The following NLGN1 variants were observed in gnomAD, a reference collection of about 807,000 sequenced individuals.
NLGN1 encodes the protein neuroligin 1, also known as neuroligin-1.
NLGN1 carries 12 observed loss-of-function variants against 65.5 expected under a neutral mutation model. That is an observed-to-expected ratio of 0.18 (90% CI 0.12 to 0.30). The LOEUF is 0.30. Ranked by LOEUF, NLGN1 falls within the 10% of genes least tolerant of loss-of-function variation. NLGN1 has a pLI of 1.00. For missense variants in NLGN1, 750 were observed against 1,007.1 expected, an observed-to-expected ratio of 0.74 and a Z score of 3.46; for synonymous variants, 350 against 359.5, an observed-to-expected ratio of 0.97 and a Z score of 0.30.
At chr3:173,501,057 A>T (rs1731026542) in intron 2 of NLGN1, among the ~76,000 whole-genome samples, 1 of 152,122 alleles carries the variant, frequency 6.6e-6, no homozygotes, top group African/African-American at 2.4e-5. Flanking sequence ...CAGGTTTTTA[A>T]AAATCTTTTT....
rs144626411 is a variant in NLGN1, at chr3:173,790,015, C to G, written c.494-17665C>G. 330 of 378,880 alleles carry G rather than the reference C, an allele frequency of 8.7e-4. 6 individuals are homozygous for G. In the East Asian group the frequency reaches 0.024, roughly 28 times the overall value. 23.5% of individuals were successfully genotyped at this position (378,880 alleles called of 1,614,324 possible). On this transcript the variant is annotated intron_variant, in intron 3 of 6. Coordinates refer to ENST00000457714, the Ensembl canonical transcript of NLGN1. ...TAACCATGCCTTTCTTTCCTCATAC[C>G]ATAGGAGGCACATCTTGCTCTCTAC...
chr3:173,654,863 G>T (rs111414448), intron 3 of NLGN1, among the ~76,000 whole-genome samples: 1 of 152,094 alleles, frequency 6.6e-6, no homozygotes, highest in African/African-American at 2.4e-5. Context: ...TTAATGGATG[G>T]ATGATGTATT....
At position 173,419,020 on chromosome 3, in the gene NLGN1, C is replaced by CTTTTTTTTTTTTTTTTTTTTTTTTT. The variant is rs59051811; in HGVS notation, c.-389-15980_-389-15956dup. Among the ~76,000 whole-genome samples the CTTTTTTTTTTTTTTTTTTTTTTTTT allele has an allele frequency of 5.7e-4, 7 of 12,262 alleles. 1 individual carries two copies. Among genetic ancestry groups the CTTTTTTTTTTTTTTTTTTTTTTTTT allele is most frequent in the Admixed American group, 2.9e-3 (2 of 686 alleles). 8.0% of individuals were successfully genotyped at this position (12,262 alleles called of 152,430 possible). On this transcript the variant is annotated intron_variant, in intron 1 of 6. Transcript: ENST00000457714. ...TCTGTTCTTTAGCTTTCTTCTTCTT[C>CTTTTTTTTTTTTTTTTTTTTTTTTT]TTTTTTTTTTTTTTTTTTTTTTTTT...
chr3:173,702,253 AAAG>A (rs1382592634), intron 3 of NLGN1, among the ~76,000 whole-genome samples: 321 of 151,980 alleles, frequency 2.1e-3, no homozygotes, highest in Non-Finnish European at 3.3e-3. Flanking sequence ...AAAAAAAAAA[AAAG>A]AAGAGTTTTC....
intron 2 of NLGN1, among the ~76,000 whole-genome samples, chr3:173,527,933 G>A (rs1472132434): frequency 6.6e-6 from 1 of 152,146 alleles, no homozygotes; most frequent in African/African-American, 2.4e-5. Flanking sequence ...TTTAAGTAGA[G>A]CATTTAGGTC....
intron 3 of NLGN1, among the ~76,000 whole-genome samples, chr3:173,616,887 T>G (rs1462846150): frequency 1.3e-5 from 2 of 152,198 alleles, no homozygotes; most frequent in Non-Finnish European, 2.9e-5. Context: ...GATTCTCTAT[T>G]GCTTTTTAAA....
At chr3:174,276,452 C>T (rs995440001) in intron 5 of NLGN1, among the ~76,000 whole-genome samples, 4 of 150,826 alleles carry the variant, frequency 2.7e-5, no homozygotes, top group African/African-American at 7.4e-5. Flanking sequence ...TATATAAAAA[C>T]GTACACCATC....
intron 1 of NLGN1, among the ~76,000 whole-genome samples, chr3:173,427,153 G>A (rs1233175826): frequency 1.3e-5 from 2 of 151,644 alleles, no homozygotes; most frequent in Non-Finnish European, 3.0e-5. Flanking sequence ...ATATTTCTGT[G>A]GTATCAGTTG....
At chr3:174,226,040 G>A (rs933937864) in intron 4 of NLGN1, among the ~76,000 whole-genome samples, 19 of 152,052 alleles carry the variant, frequency 1.2e-4, no homozygotes, top group African/African-American at 4.6e-4. Context: ...TGAAGGTGAT[G>A]TTCTCTTTAT....
chr3:173,936,363 A>T (rs1037574767), intron 4 of NLGN1, among the ~76,000 whole-genome samples: 3 of 152,012 alleles, frequency 2.0e-5, no homozygotes, highest in Admixed American at 6.6e-5. Context: ...AATTTGCATT[A>T]TTCCAGATCC....
rs575430215 is a variant in NLGN1 at position 173,908,633 on chromosome 3, C to A, written c.646+100801C>A. ...GTGCAGAGCTGACTATGAAATCAGG[C>A]ATGGTACAGCCTACGTGTAGCAACA... On this transcript the variant is annotated intron_variant, in intron 4 of 6. Transcript: ENST00000457714. Among the ~76,000 whole-genome samples the A allele has an allele frequency of 5.3e-5, 8 of 152,290 alleles. No individual in the cohort carries two copies. In the East Asian group the frequency reaches 1.5e-3, roughly 29 times the overall value.
intron 2 of NLGN1, among the ~76,000 whole-genome samples, chr3:173,569,253 T>C (rs1257383298): frequency 6.6e-6 from 1 of 152,114 alleles, no homozygotes; most frequent in Non-Finnish European, 1.5e-5. Context: ...ACAACACGGA[T>C]ACCTGGGATT....
chr3:173,618,890 T>A (rs1462780513), intron 3 of NLGN1, among the ~76,000 whole-genome samples: 1 of 152,096 alleles, frequency 6.6e-6, no homozygotes, highest in Non-Finnish European at 1.5e-5. Flanking sequence ...TCAGAACACA[T>A]TGCAGAGTGA....
At chr3:173,441,242 T>C (rs376921254) in intron 2 of NLGN1, among the ~76,000 whole-genome samples, 2 of 152,324 alleles carry the variant, frequency 1.3e-5, no homozygotes, top group African/African-American at 4.8e-5. Context: ...TTTCTTCATA[T>C]CAGCAATAAC....
chr3:173,454,413 T>C (rs946060027), intron 2 of NLGN1, among the ~76,000 whole-genome samples: 2 of 152,194 alleles, frequency 1.3e-5, no homozygotes, highest in Non-Finnish European at 1.5e-5. Context: ...AGCTATGAAA[T>C]TCCTAGATGG....
chr3:173,420,842 A>G (rs964740367), intron 1 of NLGN1, among the ~76,000 whole-genome samples: 3 of 152,214 alleles, frequency 2.0e-5, no homozygotes, highest in African/African-American at 7.2e-5. Flanking sequence ...GTACTTTTTC[A>G]TGTACAAAAT....
intron 4 of NLGN1, among the ~76,000 whole-genome samples, chr3:174,207,107 T>TTTCTTC (rs1278091500): frequency 1.3e-5 from 2 of 152,036 alleles, no homozygotes; most frequent in African/African-American, 4.8e-5. Flanking sequence ...TCTTTTTCTT[T>TTTCTTC]TTCTTCTTCT....
chr3:173,523,477 A>C (rs1197073963), intron 2 of NLGN1, among the ~76,000 whole-genome samples: 1 of 151,748 alleles, frequency 6.6e-6, no homozygotes, highest in African/African-American at 2.4e-5. Flanking sequence ...GCATATGGCT[A>C]GCCAGTTTTC....
chr3:174,022,841 G>A (rs1367469736), intron 4 of NLGN1, among the ~76,000 whole-genome samples: 1 of 152,110 alleles, frequency 6.6e-6, no homozygotes, highest in East Asian at 1.9e-4. Context: ...ACCAAAAGGG[G>A]ACACAAAGGG....
Sources: allele counts gnomAD v4.1 joint callset (sites outside exome capture counted in the v4.1 genomes callset), GRCh38; gene constraint gnomAD v4.1.1; transcripts MANE v1.5; gene names NCBI Gene and HGNC (gene_info 2026-07-23, HGNC 2026-07-21).